Variants in RRP1 observed in about 807,000 individuals in gnomAD.
RRP1 encodes ribosomal RNA processing protein 1 homolog A.
A neutral mutation model predicts 54.6 loss-of-function variants in RRP1; 37 were observed. The ratio of observed to expected loss-of-function variants is 0.68; its 90% CI spans 0.52 to 0.89. The LOEUF is 0.89. RRP1 is among the 40% of genes least tolerant of loss of function. The pLI is 0.00. For synonymous variants in RRP1, 262 were observed against 244.3 expected (o/e 1.07, Z -0.67); for missense variants, 639 against 612.5 (o/e 1.04, Z -0.46).
intron 4 of RRP1, among the ~76,000 whole-genome samples, chr21:43,793,981 C>T (rs1452803260): frequency 6.6e-6 from 1 of 152,178 alleles, no homozygotes; most frequent in Non-Finnish European, 1.5e-5. Context: ...GGTCTCGTTA[C>T]TAAGGTGGTG....
chr21:43,796,959 T>C lies in RRP1; in HGVS notation c.423-463T>C, dbSNP rs142366134. Among the ~76,000 whole-genome samples, 200 of 152,310 alleles carry C rather than the reference T, an allele frequency of 1.3e-3. 2 individuals are homozygous for C. Among genetic ancestry groups the C allele is most frequent in the Admixed American group, 6.4e-3 (98 of 15,292 alleles). ...GCCCAGGAAGCCAGCAGGTGGCTCA[T>C]GGTCCTCGGCCCCTTTCTGGGCCTC... On this transcript the variant is annotated intron_variant, in intron 5 of 12. Coordinates refer to ENST00000497547, the MANE Select transcript of RRP1 (RefSeq NM_003683.6).
rs748099910 is a variant in RRP1, at chr21:43,797,490, G to A, written c.491G>A (p.Gly164Asp). The A allele has an allele frequency of 8.7e-6, 14 of 1,613,956 alleles. No individual in the cohort carries two copies. The highest frequency in any genetic ancestry group is 1.1e-5 in the Non-Finnish European group (13 of 1,179,980). ...CACCCCAGCAGCCAGGCCCCCAACGGTGTGAAGAGCCACTTCATCGAGATC... is the reference window on the plus strand; with the variant it reads ...CACCCCAGCAGCCAGGCCCCCAACGATGTGAAGAGCCACTTCATCGAGATC... ...ILHPSSQAPN[G>D]VKSHFIEIFL... Residue 164 changes from glycine (G) to aspartate (D), a missense_variant, in exon 6 of 13, where the codon GGT becomes GAT. Gly to Asp is a moderately conservative substitution (Grantham distance 94). Coordinates refer to ENST00000497547, the MANE Select transcript of RRP1 (RefSeq NM_003683.6).
intron 4 of RRP1, among the ~76,000 whole-genome samples, chr21:43,794,921 C>T (rs1295121273): frequency 6.6e-6 from 1 of 151,058 alleles, no homozygotes; most frequent in Non-Finnish European, 1.5e-5. Flanking sequence ...TCCCCTATTA[C>T]CCCCGACCCC....
chr21:43,802,870 CA>C (rs1457126876), intron 12 of RRP1, among the ~76,000 whole-genome samples: 1 of 152,262 alleles, frequency 6.6e-6, no homozygotes, highest in Admixed American at 6.5e-5. Context: ...TCACCAGGGG[CA>C]ACCCTGGGTC....
At chr21:43,799,482 G>C (rs554627489) in intron 8 of RRP1, 88 bp from the exon 9 acceptor site, 1 of 1,372,174 alleles carries the variant, frequency 7.3e-7, no homozygotes, top group Non-Finnish European at 1.0e-6. Flanking sequence ...TCCGACCAGG[G>C]TGCACGGAGC....
chr21:43,796,660 C>T (rs1007289657), intron 5 of RRP1, among the ~76,000 whole-genome samples: 4 of 152,176 alleles, frequency 2.6e-5, no homozygotes, highest in East Asian at 1.9e-4. Flanking sequence ...GCCTCTGTCT[C>T]GTTTTTCCTG....
rs2085075544 is a variant in RRP1, at chr21:43,800,522, C to T, written c.897C>T (p.Asp299=). 2 of 1,614,210 alleles carry T rather than the reference C, an allele frequency of 1.2e-6. No homozygotes were observed. Among genetic ancestry groups the T allele is most frequent in the African/African-American group, 1.3e-5 (1 of 75,084 alleles). Residue 299 remains aspartate (D), a synonymous_variant, in exon 10 of 13, where the codon GAC becomes GAT. Coordinates refer to ENST00000497547, the MANE Select transcript of RRP1 (RefSeq NM_003683.6). ...ACGTCTCTCTTTTGAAACAGTTTGA[C>T]TACGAGGCAGTTGCTAACAGACTGT... is the stretch of plus-strand genomic sequence containing the variant. ...RDSGGPVLQF[D]YEAVANRLFE... is the part of the protein sequence containing the mutation.
At chr21:43,791,303 C>T (rs779310859) in intron 1 of RRP1, 47 bp from the exon 2 acceptor site, 19 of 1,592,378 alleles carry the variant, frequency 1.2e-5, no homozygotes, top group Admixed American at 3.3e-5. Context: ...TTCTGGCACT[C>T]GAAGGTGTGG....
Position 43,792,652 on chromosome 21 carries a change from T to C in RRP1, c.217-20T>C, listed in dbSNP as rs1569013056. 1.9e-6 allele frequency: 3 copies of C among 1,613,796 alleles called. No individual in the cohort carries two copies. Among genetic ancestry groups the C allele is most frequent in the African/African-American group, 2.7e-5 (2 of 74,900 alleles). On this transcript the variant is annotated intron_variant, in intron 2 of 12. Transcript: ENST00000497547. Reference sequence around the variant, plus strand: ...CTGGTGCTTCAGGGGCTGAGGGCGTTTTTGTTGTTTCCTACACAGGAAGAA... The same window carrying C: ...CTGGTGCTTCAGGGGCTGAGGGCGTCTTTGTTGTTTCCTACACAGGAAGAA...
Position 43,797,635 on chromosome 21 carries a change from C to A in RRP1, c.557C>A (p.Thr186Lys), listed in dbSNP as rs140646060. The change falls in exon 7 of 13, where the codon ACG becomes AAG. Residue 186 changes from threonine (T) to lysine (K), a missense_variant. Coordinates refer to ENST00000497547, the MANE Select transcript of RRP1 (RefSeq NM_003683.6). ...TCCCGCTGGCTTTCCCCGTAGCTTA[C>A]GGCAGACCAGAACCTGAAGTTCATC... ...ELTKVGAEEL[T>K]ADQNLKFIDP... 6.2e-7 allele frequency: 1 copy of A among 1,614,052 alleles called. No individual in the cohort carries two copies.
chr21:43,789,849 C>G lies in RRP1; in HGVS notation c.133+87C>G, dbSNP rs374138899. 13 of 1,380,858 alleles carry G rather than the reference C, an allele frequency of 9.4e-6. No homozygotes were observed. In the Admixed American group the frequency reaches 2.4e-4, roughly 26 times the overall value. 85.5% of individuals were successfully genotyped at this position (1,380,858 alleles called of 1,614,324 possible). On this transcript the variant is annotated intron_variant, in intron 1 of 12. Transcript: ENST00000497547. ...GGCGGCGGCCGGAGCTGGGGGCCCT[C>G]CGAGCCCTGTGGAACCTCCACGTGG...
At chr21:43,791,045 GA>G (rs1400888826) in intron 1 of RRP1, 1 of 505,696 alleles carries the variant, frequency 2.0e-6, no homozygotes, top group Non-Finnish European at 3.9e-6. Flanking sequence ...TCCAGCTTAG[GA>G]AACCGTCAAG....
At chr21:43,801,734 T>G (rs1388385873) in intron 11 of RRP1, among the ~76,000 whole-genome samples, 4 of 152,140 alleles carry the variant, frequency 2.6e-5, no homozygotes, top group African/African-American at 9.7e-5. Context: ...TGCGTGAGGA[T>G]CGTGTGCATC....
At chr21:43,792,752 G>C in intron 3 of RRP1, 23 bp downstream of exon 3, 1 of 1,613,214 alleles carries the variant, frequency 6.2e-7, no homozygotes, top group Non-Finnish European at 8.5e-7. Context: ...TGCTGTAGTT[G>C]GGTGCATTTG....
In RRP1 at chr21:43,803,485, G is replaced by T. The variant is rs1177140613; in HGVS notation, c.1124-27G>T. 6 of 1,524,576 alleles carry T rather than the reference G, an allele frequency of 3.9e-6. No homozygotes were observed. In the Admixed American group the frequency reaches 1.2e-4, roughly 31 times the overall value. 94.4% of individuals were successfully genotyped at this position (1,524,576 alleles called of 1,614,324 possible). A position where few individuals can be genotyped will look rare whatever the true frequency, so the allele number is the denominator to read the frequency against. ...AAAGAGCCCGTGTTGGCATTCTCTG[G>T]CTCATGGGGTCTTGCTGTTTTGTCA... On this transcript the variant is annotated intron_variant, in intron 12 of 12. Coordinates refer to ENST00000497547, the MANE Select transcript of RRP1 (RefSeq NM_003683.6).
chr21:43,799,958 C>T (rs1434613171), intron 9 of RRP1, among the ~76,000 whole-genome samples: 1 of 152,226 alleles, frequency 6.6e-6, no homozygotes, highest in Non-Finnish European at 1.5e-5. Context: ...CACACATGGG[C>T]AGCCCCCCAG....
Position 43,800,566 on chromosome 21 carries a change from A to C in RRP1, c.941A>C (p.Gln314Pro), listed in dbSNP as rs749855846. ...AGACTGTTTGAAATGGCCAGCCGCC[A>C]GAGCACCCCTTCTCAGAACAGAAAG... ...ANRLFEMASR[Q>P]STPSQNRKRL... Residue 314 changes from glutamine (Q) to proline (P), a missense_variant, in exon 10 of 13, where the codon CAG becomes CCG. By Grantham distance (76) the Gln-to-Pro change is moderately conservative (BLOSUM62 -1). Coordinates refer to ENST00000497547, the MANE Select transcript of RRP1 (RefSeq NM_003683.6). The C allele has an allele frequency of 6.2e-7, 1 of 1,614,268 alleles. No homozygotes were observed. The highest frequency in any genetic ancestry group is 8.5e-7 in the Non-Finnish European group (1 of 1,180,042).
At chr21:43,802,024 G>A (rs1034448071) in intron 11 of RRP1, among the ~76,000 whole-genome samples, 2 of 152,124 alleles carry the variant, frequency 1.3e-5, no homozygotes, top group Non-Finnish European at 2.9e-5. Flanking sequence ...ATTTGGGGTC[G>A]TGGACGCTCT....
At chr21:43,802,226 T>C (rs2085101216) in intron 11 of RRP1, 48 bp from the exon 12 acceptor site, 10 of 1,415,236 alleles carry the variant, frequency 7.1e-6, no homozygotes, top group Non-Finnish European at 9.9e-6. Flanking sequence ...CCTCAAACCA[T>C]AAGTCCCCAG....
Sources: allele counts gnomAD v4.1 joint callset (sites outside exome capture counted in the v4.1 genomes callset), GRCh38; gene constraint gnomAD v4.1.1; transcripts MANE v1.5; gene names NCBI Gene and HGNC (gene_info 2026-07-23, HGNC 2026-07-21).